Variants in CHD5 observed in about 807,000 individuals in gnomAD.
CHD5 encodes ATP-dependent chromatin remodeler CHD5.
Under a neutral mutation model 230.3 loss-of-function variants are expected in CHD5, and 69 were observed. That is an observed-to-expected ratio of 0.30 (90% CI 0.25 to 0.37). CHD5 has a LOEUF of 0.37. CHD5 is among the 10% of genes least tolerant of loss of function. CHD5 has a pLI of 1.00. For missense variants in CHD5, 1,827 were observed against 2,622.8 expected, an observed-to-expected ratio of 0.70 and a Z score of 6.63; for synonymous variants, 1,064 against 1,065.9, an observed-to-expected ratio of 1.00 and a Z score of 0.03.
At chr1:6,150,505 A>AATGGATGG (rs1290983403) in intron 7 of CHD5, among the ~76,000 whole-genome samples, 1 of 120,272 alleles carries the variant, frequency 8.3e-6, no homozygotes, top group Non-Finnish European at 1.8e-5. Context: ...AGGATGGATG[A>AATGGATGG]ATGGATGGAT....
At chr1:6,140,676 A>C (rs2100855731) in intron 15 of CHD5, among the ~76,000 whole-genome samples, 1 of 152,172 alleles carries the variant, frequency 6.6e-6, no homozygotes, top group East Asian at 1.9e-4. Flanking sequence ...GTCCACCCAG[A>C]AGCTCTTTTG....
intron 1 of CHD5, among the ~76,000 whole-genome samples, chr1:6,170,572 C>G (rs1156514194): frequency 9.9e-5 from 15 of 152,150 alleles, no homozygotes; most frequent in Admixed American, 8.5e-4. Flanking sequence ...CAGGGCCTCC[C>G]TCAAGGGTGG....
At position 6,179,399 on chromosome 1, in the gene CHD5, G is replaced by A. The variant is rs1299481994; in HGVS notation, c.79+546C>T. Among the ~76,000 whole-genome samples the A allele has an allele frequency of 2.0e-5, 3 of 152,094 alleles. No individual in the cohort carries two copies. The East Asian group carries it at 5.8e-4, about 29-fold the overall frequency. ...GTGCGTCCCAGAGCGGAGTCCTCCT[G>A]GGCCGGGAGGGAAGCCGCCCCATCC... On this transcript the variant is annotated intron_variant, in intron 1 of 41. Coordinates refer to ENST00000262450, the MANE Select transcript of CHD5 (RefSeq NM_015557.3).
chr1:6,124,663 TGGGGTGGGGGGGGGGGACTGGGGCTCA>T lies in CHD5; in HGVS notation c.4395-29_4395-3del. Reference sequence around the variant, plus strand: ...CGCATGAAGAGGGACACATAGGCTCTGGGGTGGGGGGGGGGGACTGGGGCTCAGGGAGTGGGGGGCCGGCAAGAACCC... The same window carrying T: ...CGCATGAAGAGGGACACATAGGCTCTGGGAGTGGGGGGCCGGCAAGAACCC... On this transcript the variant is annotated splice_region_variant and splice_polypyrimidine_tract_variant and intron_variant, in intron 29 of 41. Coordinates refer to ENST00000262450, the MANE Select transcript of CHD5 (RefSeq NM_015557.3). 5.1e-5 allele frequency: 3 copies of T among 58,484 alleles called. No individual in the cohort carries two copies. The highest frequency in any genetic ancestry group is 8.5e-5 in the Non-Finnish European group (3 of 35,134). The allele number at this position is 58,484 out of a possible 1,614,324, so 3.6% of individuals were successfully genotyped here. A position where few individuals can be genotyped will look rare whatever the true frequency, so the allele number is the denominator to read the frequency against.
chr1:6,102,459 G>GC lies in CHD5; in HGVS notation c.*3014dup, dbSNP rs749253626. ...AGGGCAGAGGGGCGTGCCAGCCTCGGCCCCCACCCACGCCCTGTCCCCTGC... is the reference window on the plus strand; with the variant it reads ...AGGGCAGAGGGGCGTGCCAGCCTCGGCCCCCCACCCACGCCCTGTCCCCTGC... On this transcript the variant is annotated 3_prime_UTR_variant, in exon 42 of 42. Transcript: ENST00000262450. The GC allele has an allele frequency of 1.3e-5, 2 of 152,484 alleles. No homozygotes were observed. The highest frequency in any genetic ancestry group is 1.3e-4 in the Admixed American group (2 of 15,274). 9.4% of individuals were successfully genotyped at this position (152,484 alleles called of 1,614,324 possible).
At chr1:6,169,695 G>A (rs1295978177) in intron 1 of CHD5, among the ~76,000 whole-genome samples, 1 of 152,194 alleles carries the variant, frequency 6.6e-6, no homozygotes, top group African/African-American at 2.4e-5. Flanking sequence ...GGGGGCAAAG[G>A]AGGCTTCCAG....
intron 3 of CHD5, among the ~76,000 whole-genome samples, chr1:6,156,835 A>G (rs61760801): frequency 0.1 from 15,176 of 152,242 alleles, 1,037 homozygotes; most frequent in Middle Eastern, 0.21. Context: ...GAGCTAGCCC[A>G]GGGGTCAGGT....
intron 2 of CHD5, among the ~76,000 whole-genome samples, chr1:6,162,790 A>G (rs1053234405): frequency 2.0e-5 from 3 of 152,212 alleles, no homozygotes; most frequent in Admixed American, 2.0e-4. Flanking sequence ...GCTCCAGCCA[A>G]CTGCACAGAG....
At position 6,149,049 on chromosome 1, in the gene CHD5, C is replaced by T. The variant is rs770466057; in HGVS notation, c.1188G>A (p.Pro396=). Reference sequence around the variant, plus strand: ...CCTCCTCTTCATCGTCGTCGTCCTTCGGCTCCCACTGGATCCCCTCCTTCT... The same window carrying T: ...CCTCCTCTTCATCGTCGTCGTCCTTTGGCTCCCACTGGATCCCCTCCTTCT... ...HCEKEGIQWE[P]KDDDDEEEEG... The change falls in exon 9 of 42, where the codon CCG becomes CCA. Residue 396 remains proline (P), a synonymous_variant. Coordinates refer to ENST00000262450, the MANE Select transcript of CHD5 (RefSeq NM_015557.3). The T allele has an allele frequency of 1.9e-6, 3 of 1,575,272 alleles. No individual in the cohort carries two copies. Among genetic ancestry groups the T allele is most frequent in the Middle Eastern group, 2.3e-4 (1 of 4,442 alleles).
In CHD5 at chr1:6,104,769, C is replaced by G. The variant is rs1023792184; in HGVS notation, c.*705G>C. On this transcript the variant is annotated 3_prime_UTR_variant, in exon 42 of 42. Coordinates refer to ENST00000262450, the MANE Select transcript of CHD5 (RefSeq NM_015557.3). Reference sequence around the variant, plus strand: ...CCTGCTGGCAGAGGATCCACCTCCCCACAAGGAGAGAGCAAACACCTGGCG... The same window carrying G: ...CCTGCTGGCAGAGGATCCACCTCCCGACAAGGAGAGAGCAAACACCTGGCG... The G allele has an allele frequency of 2.0e-5, 3 of 152,994 alleles. No individual in the cohort carries two copies. Among genetic ancestry groups the G allele is most frequent in the Non-Finnish European group, 4.4e-5 (3 of 68,648 alleles). 9.5% of individuals were successfully genotyped at this position (152,994 alleles called of 1,614,324 possible).
chr1:6,154,954 C>G lies in CHD5; in HGVS notation c.507-56G>C. ...AAGGCCAGGTGAGATGAGAGGCCCA[C>G]CCGACCCCCGGCAGGGCCCACCCCT... On this transcript the variant is annotated intron_variant, in intron 4 of 41. Transcript: ENST00000262450. This position sits in a 1 kb window ranked among gnomAD's most constrained non-coding sequence, Gnocchi z 7.0. 6.7e-7 allele frequency: 1 copy of G among 1,496,788 alleles called. No homozygotes were observed. The highest frequency in any genetic ancestry group is 9.2e-7 in the Non-Finnish European group (1 of 1,090,028). 92.7% of individuals were successfully genotyped at this position (1,496,788 alleles called of 1,614,324 possible).
rs967789611 is a variant in CHD5 at position 6,146,962 on chromosome 1, T to C, written c.1384-91A>G. ...ACAGCAGGCTGCCATGCAGGCTCCCTCCCATCAGTGCCACTGCCCCCAAGT... is the reference window on the plus strand; with the variant it reads ...ACAGCAGGCTGCCATGCAGGCTCCCCCCCATCAGTGCCACTGCCCCCAAGT... On this transcript the variant is annotated intron_variant, in intron 9 of 41. Coordinates refer to ENST00000262450, the MANE Select transcript of CHD5 (RefSeq NM_015557.3). This position sits in a 1 kb window ranked among gnomAD's most constrained non-coding sequence, Gnocchi z 5.1. The C allele has an allele frequency of 2.0e-6, 2 of 995,048 alleles. No individual in the cohort carries two copies. Among genetic ancestry groups the C allele is most frequent in the Non-Finnish European group, 1.4e-6 (1 of 694,520 alleles). 61.6% of individuals were successfully genotyped at this position (995,048 alleles called of 1,614,324 possible). A position where few individuals can be genotyped will look rare whatever the true frequency, so the allele number is the denominator to read the frequency against.
Position 6,180,131 on chromosome 1 carries a change from T to G in CHD5, c.-108A>C, listed in dbSNP as rs1262669538. 61 of 320,890 alleles carry G rather than the reference T, an allele frequency of 1.9e-4. No homozygotes were observed. In the South Asian group the frequency reaches 7.1e-3, roughly 38 times the overall value. 19.9% of individuals were successfully genotyped at this position (320,890 alleles called of 1,614,324 possible). A position where few individuals can be genotyped will look rare whatever the true frequency, so the allele number is the denominator to read the frequency against. On this transcript the variant is annotated 5_prime_UTR_variant, in exon 1 of 42. Transcript: ENST00000262450. ...GGCGCGCGCGGCGGGCGAGGCGGCC[T>G]CGGCGAGAAGATGGCGGCCGCCTGC... is the stretch of plus-strand genomic sequence containing the variant.
chr1:6,144,846 G>C (rs1666885392), intron 11 of CHD5, among the ~76,000 whole-genome samples: 1 of 152,218 alleles, frequency 6.6e-6, no homozygotes, highest in Non-Finnish European at 1.5e-5. Flanking sequence ...CTGCGGGCCT[G>C]GGAACATTAA....
At position 6,164,106 on chromosome 1, in the gene CHD5, G is replaced by A. The variant is rs1434258563; in HGVS notation, c.207+4044C>T. Among the ~76,000 whole-genome samples the A allele has an allele frequency of 5.3e-5, 8 of 152,312 alleles. No homozygotes were observed. In the East Asian group the frequency reaches 7.7e-4, roughly 15 times the overall value. On this transcript the variant is annotated intron_variant, in intron 2 of 41. Coordinates refer to ENST00000262450, the MANE Select transcript of CHD5 (RefSeq NM_015557.3). ...CCTGGGGATCCCAATGGACAGTCCC[G>A]CCACCCTTCCTCCTTCCCAGCTCCG...
Position 6,121,665 on chromosome 1 carries a change from T to G in CHD5, c.4700-92A>C, listed in dbSNP as rs1666473749. The G allele has an allele frequency of 2.2e-6, 2 of 890,294 alleles. No individual in the cohort carries two copies. Among genetic ancestry groups the G allele is most frequent in the Admixed American group, 4.8e-5 (2 of 41,816 alleles). The allele number at this position is 890,294 out of a possible 1,614,324, so 55.1% of individuals were successfully genotyped here. ...GGTGGCAGAGAGGAGAGATGGGGGC[T>G]TGGCCTTCGGGAGGCTCCACTGCAG... is the stretch of plus-strand genomic sequence containing the variant. On this transcript the variant is annotated intron_variant, in intron 31 of 41. Coordinates refer to ENST00000262450, the MANE Select transcript of CHD5 (RefSeq NM_015557.3). The surrounding 1 kb of genome is among the most constrained non-coding windows in gnomAD (Gnocchi z 4.5).
At position 6,134,634 on chromosome 1, in the gene CHD5, C is replaced by T. The variant is rs1044759860; in HGVS notation, c.3012+84G>A. ...CAATGGCCAGGAGAACCTATCACAG[C>T]GGCCACAGGGACCTACCATGGCGGC... On this transcript the variant is annotated intron_variant, in intron 19 of 41. Coordinates refer to ENST00000262450, the MANE Select transcript of CHD5 (RefSeq NM_015557.3). This position sits in a 1 kb window ranked among gnomAD's most constrained non-coding sequence, Gnocchi z 6.3. The T allele has an allele frequency of 6.2e-5, 85 of 1,376,554 alleles. No homozygotes were observed. The highest frequency in any genetic ancestry group is 3.7e-4 in the Middle Eastern group (2 of 5,446). The allele number at this position is 1,376,554 out of a possible 1,614,324, so 85.3% of individuals were successfully genotyped here.
intron 11 of CHD5, among the ~76,000 whole-genome samples, chr1:6,145,940 C>A (rs1269807814): frequency 6.6e-6 from 1 of 152,186 alleles, no homozygotes; most frequent in African/African-American, 2.4e-5. Context: ...AAGCACTAAC[C>A]CAGCATGAGG....
At chr1:6,163,982 T>A (rs1289899001) in intron 2 of CHD5, among the ~76,000 whole-genome samples, 1 of 152,178 alleles carries the variant, frequency 6.6e-6, no homozygotes, top group Non-Finnish European at 1.5e-5. Context: ...CTGCCTTGAA[T>A]GTTATGCCCA....
Sources: gnomAD v4.1 joint callset for allele counts (sites outside exome capture counted in the v4.1 genomes callset) on GRCh38, gnomAD v4.1.1 for gene constraint, Gnocchi (gnomAD v3.1) non-coding constraint, MANE v1.5 for transcripts, NCBI Gene and HGNC (gene_info 2026-07-23, HGNC 2026-07-21) for gene names.